MAGT1: variants seen among roughly 807,000 people sequenced by gnomAD.
The protein encoded by MAGT1 is magnesium transporter 1.
MAGT1 carries 4 observed loss-of-function variants against 28.4 expected under a neutral mutation model. The ratio of observed to expected loss-of-function variants is 0.14; its 90% CI spans 0.07 to 0.32. The LOEUF (loss-of-function observed/expected upper bound fraction) is 0.32, where lower values mean the gene tolerates loss of function less well. Among genes scored for constraint, MAGT1 ranks in the 10% least tolerant of loss-of-function variants. The probability of loss-of-function intolerance (pLI) is 1.00; values close to 1 mark genes in which losing one functional copy is unlikely to be tolerated. For synonymous variants in MAGT1, 89 were observed against 89.7 expected (o/e 0.99, Z 0.04); for missense variants, 193 against 264.5 (o/e 0.73, Z 1.88).
chrX:77,888,613 T>C (rs140604522), intron 1 of MAGT1, among the ~76,000 whole-genome samples: 4,174 of 111,447 alleles, frequency 0.037, 78 homozygotes, highest in East Asian at 0.087. Context: ...AATTGTCCTA[T>C]TGTCACTATC....
chrX:77,832,698 C>T (rs1471750606), intron 8 of MAGT1, among the ~76,000 whole-genome samples: 4 of 108,291 alleles, frequency 3.7e-5, no homozygotes, highest in Non-Finnish European at 7.7e-5. Flanking sequence ...CCAGGCGTGG[C>T]GGCAGGCACC....
At chrX:77,852,645 G>A (rs1302607645) in intron 7 of MAGT1, among the ~76,000 whole-genome samples, 1 of 111,089 alleles carries the variant, frequency 9.0e-6, no homozygotes, top group Non-Finnish European at 1.9e-5. Flanking sequence ...AGGCTGGAGT[G>A]CAGTGGTGTG....
At chrX:77,881,726 C>A (rs1383390917) in intron 1 of MAGT1, among the ~76,000 whole-genome samples, 1 of 111,089 alleles carries the variant, frequency 9.0e-6, no homozygotes, top group East Asian at 2.8e-4. Context: ...AATAAACATA[C>A]GTGTGCATGT....
At chrX:77,876,164 ATTTTTTTT>A (rs1163646892) in intron 1 of MAGT1, among the ~76,000 whole-genome samples, 994 of 24,804 alleles carry the variant, frequency 0.04, 14 homozygotes, top group South Asian at 0.11. Flanking sequence ...ATATATATAT[ATTTTTTTT>A]TTTTTTTTTT....
At chrX:77,878,160 A>G (rs2077040978) in intron 1 of MAGT1, among the ~76,000 whole-genome samples, 1 of 104,354 alleles carries the variant, frequency 9.6e-6, no homozygotes, top group African/African-American at 3.5e-5. Context: ...ATGGTGGCAC[A>G]TGCCTGTAAT....
rs2076982677 is a variant in MAGT1 at position 77,856,879 on chromosome X, G to A, written c.532-6C>T. The A allele has an allele frequency of 1.8e-5, 21 of 1,192,870 alleles. 1 individual carries two copies. The East Asian group carries it at 5.9e-4, about 34-fold the overall frequency. On this transcript the variant is annotated splice_region_variant and splice_polypyrimidine_tract_variant and intron_variant, in intron 4 of 9. Transcript: ENST00000618282. ...GGGGGTCTAATCACTCTAATCTAATGGAAAGGAGAGAAAAACATGTTAAAG... is the reference window on the plus strand; with the variant it reads ...GGGGGTCTAATCACTCTAATCTAATAGAAAGGAGAGAAAAACATGTTAAAG...
intron 2 of MAGT1, among the ~76,000 whole-genome samples, chrX:77,874,947 C>T (rs930710147): frequency 1.8e-5 from 2 of 109,365 alleles, no homozygotes; most frequent in Non-Finnish European, 3.8e-5. Context: ...CTCTGCCTCC[C>T]GGGTTCAAAT....
At chrX:77,872,414 A>T (rs1480498050) in intron 2 of MAGT1, among the ~76,000 whole-genome samples, 2 of 112,025 alleles carry the variant, frequency 1.8e-5, no homozygotes, top group Non-Finnish European at 3.8e-5. Context: ...ACTTCTCAGA[A>T]ATCACTGTTG....
Position 77,872,540 on chromosome X carries a change from A to G in MAGT1, c.273-1615T>C, listed in dbSNP as rs149406456. On this transcript the variant is annotated intron_variant, in intron 2 of 9. Transcript: ENST00000618282. ...TTTTATCTAGTCTTACTACTAATCA[A>G]TCTCAAACAGTAACCTTTAGTCCCA... Among the ~76,000 whole-genome samples, 90 of 111,609 alleles carry G rather than the reference A, an allele frequency of 8.1e-4. No homozygotes were observed. The East Asian group carries it at 0.022, about 28-fold the overall frequency.
intron 8 of MAGT1, among the ~76,000 whole-genome samples, chrX:77,840,527 C>A (rs1308488413): frequency 9.0e-6 from 1 of 110,503 alleles, no homozygotes; most frequent in Non-Finnish European, 1.9e-5. Context: ...TGAAAAAAAT[C>A]GGAATAGTTA....
At chrX:77,887,462 G>A (rs2077070803) in intron 1 of MAGT1, among the ~76,000 whole-genome samples, 1 of 111,413 alleles carries the variant, frequency 9.0e-6, no homozygotes, top group African/African-American at 3.3e-5. Flanking sequence ...TCCTAAAGAA[G>A]CTTTTTCCTA....
chrX:77,865,871 T>G (rs1470185904), intron 3 of MAGT1, among the ~76,000 whole-genome samples: 1 of 107,027 alleles, frequency 9.3e-6, no homozygotes, highest in African/African-American at 3.3e-5. Flanking sequence ...CGAGAGTGCA[T>G]CAGGCCAGGC....
chrX:77,852,312 G>GT lies in MAGT1; in HGVS notation c.826+1588dup, dbSNP rs781848066. 2.8e-4 allele frequency among the ~76,000 whole-genome samples: 32 copies of GT among 112,488 alleles called. 1 individual carries two copies. The East Asian group carries it at 5.6e-3, about 20-fold the overall frequency. On this transcript the variant is annotated intron_variant, in intron 7 of 9. Transcript: ENST00000618282. Reference sequence around the variant, plus strand: ...CCAGGTTTGGGCTGGATGTGAAGCAGTAAGTATATTTTCCATAGTGCATAA... The same window carrying GT: ...CCAGGTTTGGGCTGGATGTGAAGCAGTTAAGTATATTTTCCATAGTGCATAA...
At chrX:77,863,431 C>T (rs994943204) in intron 3 of MAGT1, among the ~76,000 whole-genome samples, 2 of 105,727 alleles carry the variant, frequency 1.9e-5, no homozygotes, top group African/African-American at 3.5e-5. Flanking sequence ...AGGAGAATGG[C>T]GTGAACCCGG....
At chrX:77,862,627 T>A (rs782016637) in intron 3 of MAGT1, among the ~76,000 whole-genome samples, 12 of 111,683 alleles carry the variant, frequency 1.1e-4, no homozygotes, top group Non-Finnish European at 2.1e-4. Flanking sequence ...AAGACACACA[T>A]GGCCAACAGG....
rs1047183576 is a variant in MAGT1 at position 77,828,265 on chromosome X, C to A, written c.*955G>T. The A allele has an allele frequency of 2.2e-4, 24 of 110,999 alleles. No homozygotes were observed. Among genetic ancestry groups the A allele is most frequent in the African/African-American group, 7.8e-4 (24 of 30,641 alleles). The allele number at this position is 110,999 out of a possible 1,213,427, so 9.1% of individuals were successfully genotyped here. A position where few individuals can be genotyped will look rare whatever the true frequency, so the allele number is the denominator to read the frequency against. On this transcript the variant is annotated 3_prime_UTR_variant, in exon 10 of 10. Transcript: ENST00000618282. ...AATAGATGTCTTTTCATGTTCACAG[C>A]TATCGAGAAGCATAGACATTGCTGG...
intron 3 of MAGT1, among the ~76,000 whole-genome samples, chrX:77,860,922 T>G (rs1557216424): frequency 9.0e-6 from 1 of 111,699 alleles, no homozygotes; most frequent in African/African-American, 3.3e-5. Context: ...ATGCCTGTAA[T>G]CCTAGCACGT....
intron 7 of MAGT1, among the ~76,000 whole-genome samples, chrX:77,842,114 C>A (rs782088937): frequency 6.4e-5 from 7 of 109,683 alleles, no homozygotes; most frequent in Non-Finnish European, 1.1e-4. Context: ...CTCTCCTGGC[C>A]TAGTTTAGCG....
chrX:77,871,720 T>C (rs2149023975), intron 2 of MAGT1, among the ~76,000 whole-genome samples: 1 of 110,247 alleles, frequency 9.1e-6, no homozygotes, highest in East Asian at 2.9e-4. Context: ...CAGGCACCTG[T>C]AGTCTCAGCT....
Sources: allele counts gnomAD v4.1 joint callset (sites outside exome capture counted in the v4.1 genomes callset), GRCh38; gene constraint gnomAD v4.1.1; transcripts MANE v1.5; gene names NCBI Gene and HGNC (gene_info 2026-07-23, HGNC 2026-07-21).